UBE4B: variants seen among roughly 807,000 people sequenced by gnomAD.
UBE4B encodes ubiquitin conjugation factor E4 B.
In UBE4B, 27 loss-of-function variants were observed where a neutral mutation model predicts 148.1. The observed-to-expected ratio is 0.18, with a 90% CI of 0.13 to 0.25. The LOEUF is 0.25. UBE4B is among the 10% of genes least tolerant of loss of function. The pLI is 1.00. For missense variants in UBE4B, 1,170 were observed against 1,662.4 expected (o/e 0.70, Z 5.15); for synonymous variants, 596 against 619.3 (o/e 0.96, Z 0.56).
chr1:10,127,346 G>A (rs1645518827), intron 11 of UBE4B, among the ~76,000 whole-genome samples: 1 of 152,116 alleles, frequency 6.6e-6, no homozygotes, highest in African/African-American at 2.4e-5. Flanking sequence ...TGTTTCCTAA[G>A]GTCATATTTA....
intron 2 of UBE4B, among the ~76,000 whole-genome samples, chr1:10,085,742 C>T (rs1188062795): frequency 1.3e-5 from 2 of 152,188 alleles, no homozygotes; most frequent in Admixed American, 6.5e-5. Flanking sequence ...GCATTTGATG[C>T]AGCCACCATA....
intron 10 of UBE4B, 29 bp from the exon 11 acceptor site, chr1:10,126,765 T>A: frequency 1.3e-6 from 2 of 1,568,724 alleles, no homozygotes; most frequent in Non-Finnish European, 1.8e-6. Context: ...CTTAAACTTA[T>A]ATTTCTGATT....
chr1:10,111,155 A>C (rs1645213684), intron 7 of UBE4B, among the ~76,000 whole-genome samples: 1 of 150,474 alleles, frequency 6.6e-6, no homozygotes. Context: ...ACAGAGTAAA[A>C]TCCAAAGCCT....
At chr1:10,093,936 C>T (rs931444376) in intron 2 of UBE4B, among the ~76,000 whole-genome samples, 76 of 152,162 alleles carry the variant, frequency 5.0e-4, no homozygotes, top group Admixed American at 2.0e-3. Flanking sequence ...CTCAAATGAT[C>T]TGCCTTCCTC....
chr1:10,159,242 CTT>C (rs1315374604), intron 22 of UBE4B, among the ~76,000 whole-genome samples: 4 of 152,144 alleles, frequency 2.6e-5, no homozygotes, highest in African/African-American at 4.8e-5. Context: ...TAATTAAAGA[CTT>C]TTCATATACC....
At position 10,055,273 on chromosome 1, in the gene UBE4B, T is replaced by TTTTTCTTTTC. The variant is rs539556768; in HGVS notation, c.25-16736_25-16727dup. On this transcript the variant is annotated intron_variant, in intron 1 of 27. Coordinates refer to ENST00000343090, the MANE Select transcript of UBE4B (RefSeq NM_001105562.3). ...GTCTCGTAGGCCACCTTTTCATCATTTTTTCTTTTCTTTTCTTTTCTTTTC... is the reference window on the plus strand; with the variant it reads ...GTCTCGTAGGCCACCTTTTCATCATTTTTTCTTTTCTTTTCTTTTCTTTTCTTTTCTTTTC... 9.3e-3 allele frequency among the ~76,000 whole-genome samples: 1,410 copies of TTTTTCTTTTC among 151,862 alleles called. 17 individuals carry two copies. The highest frequency in any genetic ancestry group is 0.032 in the African/African-American group (1,330 of 41,262).
chr1:10,033,374 GAGGGTAATA>G lies in UBE4B; in HGVS notation c.-294_-286del. ...GCCTAGCTGGGTAACCTGGGAAGCA[GAGGGTAATA>G]AGTGGCGCCTTAAGACAACCCTGTA... On this transcript the variant is annotated 5_prime_UTR_variant, in exon 1 of 28. Transcript: ENST00000343090. 3.2e-6 allele frequency: 1 copy of G among 307,948 alleles called. No individual in the cohort carries two copies. The allele number at this position is 307,948 out of a possible 1,614,324, so 19.1% of individuals were successfully genotyped here.
At chr1:10,175,611 A>G (rs1443692184) in intron 25 of UBE4B, among the ~76,000 whole-genome samples, 7 of 152,004 alleles carry the variant, frequency 4.6e-5, no homozygotes, top group Non-Finnish European at 7.4e-5. Flanking sequence ...AGATCGCGCC[A>G]CTGCACTCCA....
intron 14 of UBE4B, among the ~76,000 whole-genome samples, chr1:10,131,901 C>G (rs183635968): frequency 6.7e-6 from 1 of 149,016 alleles, no homozygotes. Flanking sequence ...TGCACTGAGC[C>G]GAGATGTGCC....
intron 16 of UBE4B, 43 bp downstream of exon 16, chr1:10,135,229 C>A: frequency 1.3e-6 from 2 of 1,554,720 alleles, no homozygotes; most frequent in East Asian, 2.3e-5. Flanking sequence ...ACACTGCCCT[C>A]TTGTCTGTGT....
At chr1:10,127,337 GTT>G (rs1196468066) in intron 11 of UBE4B, among the ~76,000 whole-genome samples, 1 of 151,892 alleles carries the variant, frequency 6.6e-6, no homozygotes, top group Admixed American at 6.6e-5. Context: ...CACCCTCCCT[GTT>G]TCCTAAGGTC....
At chr1:10,103,399 CTTTA>C (rs149354050) in intron 5 of UBE4B, among the ~76,000 whole-genome samples, 75,290 of 135,140 alleles carry the variant, frequency 0.56, 21,675 homozygotes, top group East Asian at 0.64. Context: ...ATTACCTCCT[CTTTA>C]TTTATTTATT....
At chr1:10,127,728 G>T (rs775170673) in intron 11 of UBE4B, among the ~76,000 whole-genome samples, 1 of 151,854 alleles carries the variant, frequency 6.6e-6, no homozygotes, top group Non-Finnish European at 1.5e-5. Context: ...CATTACTGAC[G>T]ATCTGTTCTG....
intron 1 of UBE4B, among the ~76,000 whole-genome samples, chr1:10,057,513 C>T (rs963526420): frequency 6.7e-6 from 1 of 149,400 alleles, no homozygotes; most frequent in African/African-American, 2.5e-5. Context: ...AACTACTGCA[C>T]TCAAGCGCTT....
At chr1:10,095,663 G>A in intron 3 of UBE4B, 67 bp downstream of exon 3, 2 of 1,595,116 alleles carry the variant, frequency 1.3e-6, no homozygotes, top group Admixed American at 1.7e-5. Context: ...ATTCACTTTA[G>A]CCTCTAGTCC....
chr1:10,044,600 C>T (rs973227731), intron 1 of UBE4B, among the ~76,000 whole-genome samples: 2 of 151,808 alleles, frequency 1.3e-5, no homozygotes, highest in Non-Finnish European at 2.9e-5. Context: ...CTCCTTCCAC[C>T]GCCCGCCTGT....
intron 24 of UBE4B, among the ~76,000 whole-genome samples, chr1:10,170,292 C>T (rs753712879): frequency 1.8e-4 from 28 of 152,186 alleles, no homozygotes; most frequent in East Asian, 3.8e-4. Flanking sequence ...TTTTATTTCA[C>T]AGCTTCTCAA....
At chr1:10,129,356 T>A in intron 11 of UBE4B, 36 bp from the exon 12 acceptor site, 1 of 1,585,918 alleles carries the variant, frequency 6.3e-7, no homozygotes, top group Non-Finnish European at 8.6e-7. Context: ...CAGTTTAAGA[T>A]GAAATGCATT....
chr1:10,065,795 A>G (rs2101821100), intron 1 of UBE4B, among the ~76,000 whole-genome samples: 1 of 152,340 alleles, frequency 6.6e-6, no homozygotes, highest in East Asian at 1.9e-4. Context: ...ATGGAAATTT[A>G]CTGTGTCATT....
Sources: allele counts gnomAD v4.1 joint callset (sites outside exome capture counted in the v4.1 genomes callset), GRCh38; gene constraint gnomAD v4.1.1; transcripts MANE v1.5; gene names NCBI Gene and HGNC (gene_info 2026-07-23, HGNC 2026-07-21).